THSD4: variants seen among roughly 807,000 people sequenced by gnomAD.
THSD4 encodes thrombospondin type 1 domain containing 4.
THSD4 carries 69 observed loss-of-function variants against 119.0 expected under a neutral mutation model. The observed-to-expected ratio is 0.58, with a 90% confidence interval of 0.48 to 0.71. THSD4 has a LOEUF of 0.71. Among genes scored for constraint, THSD4 ranks in the 30% least tolerant of loss-of-function variants. THSD4 has a pLI of 0.00. For synonymous variants in THSD4, 524 were observed against 540.4 expected, an observed-to-expected ratio of 0.97 and a Z score of 0.42; for missense variants, 1,393 against 1,391.1, an observed-to-expected ratio of 1.00 and a Z score of -0.02.
At chr15:71,636,844 A>C (rs1429210224) in intron 7 of THSD4, among the ~76,000 whole-genome samples, 2 of 151,634 alleles carry the variant, frequency 1.3e-5, no homozygotes, top group Non-Finnish European at 2.9e-5. Flanking sequence ...AGAAATCTAC[A>C]GGCTTGACAT....
At chr15:71,701,529 A>C (rs2141071795) in intron 8 of THSD4, among the ~76,000 whole-genome samples, 1 of 152,308 alleles carries the variant, frequency 6.6e-6, no homozygotes, top group Middle Eastern at 3.4e-3. Context: ...AAAAAATTAA[A>C]TGCAACCTAA....
At chr15:71,302,164 G>A (rs2044959711) in intron 6 of THSD4, among the ~76,000 whole-genome samples, 1 of 152,188 alleles carries the variant, frequency 6.6e-6, no homozygotes, top group African/African-American at 2.4e-5. Flanking sequence ...TCCTTTCCCT[G>A]GCAGCGTTTT....
intron 7 of THSD4, among the ~76,000 whole-genome samples, chr15:71,587,579 T>G (rs371304038): frequency 1.0e-5 from 1 of 99,854 alleles, no homozygotes; most frequent in Admixed American, 1.2e-4. Context: ...ACAATGAGAT[T>G]ACATGGACAC....
intron 7 of THSD4, among the ~76,000 whole-genome samples, chr15:71,552,007 A>G (rs1040019561): frequency 2.6e-5 from 4 of 152,132 alleles, no homozygotes; most frequent in Non-Finnish European, 4.4e-5. Context: ...CAGGTCTGCA[A>G]TCTTAACTCT....
chr15:71,238,266 CA>C (rs137986205), intron 4 of THSD4, among the ~76,000 whole-genome samples: 3,256 of 152,216 alleles, frequency 0.021, 135 homozygotes, highest in African/African-American at 0.075. Flanking sequence ...TTTGACTTTA[CA>C]ACATCCTTGT....
chr15:71,441,238 G>GCGGGGATGTGTCTGGGAAGTCATTTC (rs2047083946), intron 7 of THSD4, among the ~76,000 whole-genome samples: 1 of 152,174 alleles, frequency 6.6e-6, no homozygotes, highest in Non-Finnish European at 1.5e-5. Flanking sequence ...GAAGTCATTT[G>GCGGGGATGTGTCTGGGAAGTCATTTC]CATGGATCTT....
Position 71,379,958 on chromosome 15 carries a change from G to T in THSD4, c.1016-31729G>T, listed in dbSNP as rs534545272. On this transcript the variant is annotated intron_variant, in intron 6 of 17. Transcript: ENST00000261862. ...TGAATAATATTTATGGACACAAAAA[G>T]GGGAGTGAGATACAGAAAACAGAAG... 2.6e-5 allele frequency among the ~76,000 whole-genome samples: 4 copies of T among 152,206 alleles called. No individual in the cohort carries two copies. The South Asian group carries it at 8.3e-4, about 32-fold the overall frequency.
At chr15:71,344,187 C>T (rs984251978) in intron 6 of THSD4, among the ~76,000 whole-genome samples, 10 of 151,916 alleles carry the variant, frequency 6.6e-5, no homozygotes, top group South Asian at 4.2e-4. Context: ...TACAGGTGCC[C>T]GCCACCACGC....
chr15:71,747,118 C>A, intron 13 of THSD4, 76 bp downstream of exon 13: 1 of 1,486,744 alleles, frequency 6.7e-7, no homozygotes, highest in Non-Finnish European at 9.0e-7. Flanking sequence ...CCCACCAAGA[C>A]CTGAGATGGG....
At chr15:71,135,771 T>C (rs912582591) in intron 1 of THSD4, among the ~76,000 whole-genome samples, 2 of 152,112 alleles carry the variant, frequency 1.3e-5, no homozygotes, top group African/African-American at 2.4e-5. Flanking sequence ...CATCTTGTCC[T>C]GGGCCTGCCC....
chr15:71,727,539 A>T (rs2052866943), intron 8 of THSD4, among the ~76,000 whole-genome samples: 5 of 5,076 alleles, frequency 9.9e-4, no homozygotes, highest in African/African-American at 1.5e-3. Flanking sequence ...CTTAAAAAAA[A>T]AAAAAAAAAA....
chr15:71,429,748 G>A (rs912696954), intron 7 of THSD4, among the ~76,000 whole-genome samples: 1 of 152,132 alleles, frequency 6.6e-6, no homozygotes, highest in African/African-American at 2.4e-5. Flanking sequence ...AGTGACTGTG[G>A]AGAGGAAAAT....
chr15:71,407,907 C>T (rs937132936), intron 6 of THSD4, among the ~76,000 whole-genome samples: 10 of 152,166 alleles, frequency 6.6e-5, no homozygotes, highest in Non-Finnish European at 1.2e-4. Context: ...CTGGTGCTGC[C>T]AGTCCCAGGA....
intron 6 of THSD4, among the ~76,000 whole-genome samples, chr15:71,402,013 A>G (rs770905416): frequency 6.6e-6 from 1 of 151,944 alleles, no homozygotes; most frequent in Admixed American, 6.6e-5. Flanking sequence ...CAGAAAATCA[A>G]ACACCGCATG....
intron 8 of THSD4, among the ~76,000 whole-genome samples, chr15:71,693,944 T>C (rs2052107400): frequency 6.6e-6 from 1 of 151,806 alleles, no homozygotes; most frequent in African/African-American, 2.4e-5. Context: ...CATCTGTCTT[T>C]ATTAGCAGCA....
At chr15:71,225,690 G>A (rs968611237) in intron 4 of THSD4, among the ~76,000 whole-genome samples, 18 of 151,946 alleles carry the variant, frequency 1.2e-4, no homozygotes, top group Middle Eastern at 3.4e-3. Context: ...CTACAGGCAC[G>A]TGCCACCACA....
At chr15:71,425,161 G>A (rs2046852405) in intron 7 of THSD4, among the ~76,000 whole-genome samples, 1 of 152,216 alleles carries the variant, frequency 6.6e-6, no homozygotes, top group Non-Finnish European at 1.5e-5. Flanking sequence ...TTTACCATGT[G>A]CTGTGTCCTT....
At chr15:71,146,100 A>G (rs2040658009) in intron 2 of THSD4, among the ~76,000 whole-genome samples, 1 of 152,242 alleles carries the variant, frequency 6.6e-6, no homozygotes, top group East Asian at 1.9e-4. Context: ...TGACCAGGAT[A>G]GTTAGCTAGT....
intron 7 of THSD4, among the ~76,000 whole-genome samples, chr15:71,477,456 A>C: frequency 6.6e-6 from 1 of 152,234 alleles, no homozygotes; most frequent in East Asian, 1.9e-4. Context: ...TTGTGCCTGG[A>C]AGATGAAAGG....
Sources: allele counts gnomAD v4.1 joint callset (sites outside exome capture counted in the v4.1 genomes callset), GRCh38; gene constraint gnomAD v4.1.1; transcripts MANE v1.5; gene names NCBI Gene and HGNC (gene_info 2026-07-23, HGNC 2026-07-21).